GRIN2A: variants seen among roughly 807,000 people sequenced by gnomAD.
GRIN2A encodes the protein glutamate ionotropic receptor NMDA type subunit 2A, also known as glutamate receptor ionotropic, NMDA 2A.
GRIN2A carries 22 observed loss-of-function variants against 113.4 expected under a neutral mutation model. The observed-to-expected ratio is 0.19, with a 90% CI of 0.14 to 0.28. GRIN2A has a LOEUF of 0.28. Ranked by LOEUF, GRIN2A falls within the 10% of genes least tolerant of loss-of-function variation. The pLI is 1.00. For synonymous variants in GRIN2A, 827 were observed against 738.4 expected, an observed-to-expected ratio of 1.12 and a Z score of -1.94; for missense variants, 1,502 against 1,887.0, an observed-to-expected ratio of 0.80 and a Z score of 3.78.
At chr16:9,986,895 T>C (rs2045988874) in intron 2 of GRIN2A, among the ~76,000 whole-genome samples, 1 of 152,148 alleles carries the variant, frequency 6.6e-6, no homozygotes, top group African/African-American at 2.4e-5. Context: ...CCTCCAATTG[T>C]GTAGAGTGCT....
intron 4 of GRIN2A, 104 bp downstream of exon 4, chr16:9,890,882 G>C (rs1219120883): frequency 5.1e-6 from 4 of 778,254 alleles, no homozygotes; most frequent in African/African-American, 1.7e-5. Context: ...ATGGGATCTA[G>C]AGCAGCTCAA....
intron 2 of GRIN2A, among the ~76,000 whole-genome samples, chr16:10,140,155 G>T (rs2049295417): frequency 6.6e-6 from 1 of 152,124 alleles, no homozygotes; most frequent in Non-Finnish European, 1.5e-5. Flanking sequence ...AGTTCCACTG[G>T]TTACCTTATG....
At chr16:9,967,486 A>G (rs1405763607) in intron 2 of GRIN2A, among the ~76,000 whole-genome samples, 1 of 152,238 alleles carries the variant, frequency 6.6e-6, no homozygotes, top group African/African-American at 2.4e-5. Context: ...CGGGTGGATC[A>G]CTTGAGGTCA....
At chr16:10,149,465 G>A (rs982707093) in intron 2 of GRIN2A, among the ~76,000 whole-genome samples, 7 of 152,206 alleles carry the variant, frequency 4.6e-5, no homozygotes, top group Non-Finnish European at 1.0e-4. Flanking sequence ...TACTAATTTT[G>A]CAACTTTTCT....
Position 10,180,533 on chromosome 16 carries a change from G to T in GRIN2A, c.-18-104C>A, listed in dbSNP as rs1384925888. ...CTCTAGGAGCCAGGCATGGAACTCA[G>T]CAGCAGGATAGGCTGCTGGGATCAC... On this transcript the variant is annotated intron_variant, in intron 1 of 12. Transcript: ENST00000330684. This position sits in a 1 kb window ranked among gnomAD's most constrained non-coding sequence, Gnocchi z 7.0. 6.6e-7 allele frequency: 1 copy of T among 1,522,904 alleles called. No homozygotes were observed. The highest frequency in any genetic ancestry group is 8.8e-7 in the Non-Finnish European group (1 of 1,140,978). 94.3% of individuals were successfully genotyped at this position (1,522,904 alleles called of 1,614,324 possible). A position where few individuals can be genotyped will look rare whatever the true frequency, so the allele number is the denominator to read the frequency against.
intron 2 of GRIN2A, among the ~76,000 whole-genome samples, chr16:9,986,705 C>A (rs573422355): frequency 7.2e-6 from 1 of 139,398 alleles, no homozygotes; most frequent in South Asian, 2.2e-4. Flanking sequence ...ACGGAGGTTG[C>A]AATGAGCTGA....
chr16:9,839,565 G>A (rs773438967), intron 7 of GRIN2A, among the ~76,000 whole-genome samples: 6 of 152,068 alleles, frequency 3.9e-5, no homozygotes, highest in South Asian at 2.1e-4. Flanking sequence ...ATAAATCATC[G>A]TGCAGTCATC....
At chr16:10,084,856 C>G (rs945658665) in intron 2 of GRIN2A, among the ~76,000 whole-genome samples, 3 of 152,100 alleles carry the variant, frequency 2.0e-5, no homozygotes, top group Non-Finnish European at 2.9e-5. Context: ...GGACCTAGGT[C>G]AGTGCCTGAT....
intron 2 of GRIN2A, chr16:10,112,015 A>G: frequency 9.3e-6 from 6 of 647,006 alleles, no homozygotes; most frequent in South Asian, 8.2e-5. Flanking sequence ...CCTGTGGTCA[A>G]TGATCGCCAT....
intron 2 of GRIN2A, among the ~76,000 whole-genome samples, chr16:10,044,117 A>T (rs957442494): frequency 6.6e-6 from 1 of 151,196 alleles, no homozygotes; most frequent in Admixed American, 6.6e-5. Context: ...ACGGTGGCGC[A>T]ATCTCGGCTC....
chr16:10,170,740 C>A (rs1195169982), intron 2 of GRIN2A, among the ~76,000 whole-genome samples: 1 of 152,044 alleles, frequency 6.6e-6, no homozygotes, highest in Non-Finnish European at 1.5e-5. Flanking sequence ...AGCCGGATAT[C>A]ATGGCACACG....
chr16:10,015,626 A>G (rs1176941303), intron 2 of GRIN2A, among the ~76,000 whole-genome samples: 2 of 152,254 alleles, frequency 1.3e-5, no homozygotes, highest in Admixed American at 6.5e-5. Context: ...TTGCATGTAT[A>G]TAACATTGCA....
At chr16:10,173,376 G>A (rs952693014) in intron 2 of GRIN2A, among the ~76,000 whole-genome samples, 4 of 152,198 alleles carry the variant, frequency 2.6e-5, no homozygotes, top group South Asian at 4.1e-4. Flanking sequence ...CTGATGAGCT[G>A]TTACTCAGCA....
chr16:10,163,342 A>G (rs1236435566), intron 2 of GRIN2A, among the ~76,000 whole-genome samples: 1 of 152,190 alleles, frequency 6.6e-6, no homozygotes, highest in Non-Finnish European at 1.5e-5. Flanking sequence ...TTCATATTTT[A>G]GGAAAGAGAT....
At position 9,764,030 on chromosome 16, in the gene GRIN2A, A is replaced by G; in HGVS notation, c.3514T>C (p.Leu1172=). ...DSTLPMNRNP[L]HNEEGLSNND... is the part of the protein sequence containing the mutation. ...TTGGAAAGCCCCTCTTCATTATGCA[A>G]GGGGTTCCGGTTCATTGGCAGCGTG... Residue 1172 remains leucine (L), a synonymous_variant, in exon 13 of 13, where the codon TTG becomes CTG. Coordinates refer to ENST00000330684, the MANE Select transcript of GRIN2A (RefSeq NM_001134407.3). 6.2e-7 allele frequency: 1 copy of G among 1,614,090 alleles called. No individual in the cohort carries two copies. The highest frequency in any genetic ancestry group is 8.5e-7 in the Non-Finnish European group (1 of 1,179,988).
At chr16:9,789,159 A>G (rs1010823180) in intron 11 of GRIN2A, among the ~76,000 whole-genome samples, 1 of 152,236 alleles carries the variant, frequency 6.6e-6, no homozygotes, top group Non-Finnish European at 1.5e-5. Flanking sequence ...TTCTGTTGCA[A>G]TGACTAGGCT....
At chr16:10,136,897 G>C (rs2049204370) in intron 2 of GRIN2A, among the ~76,000 whole-genome samples, 1 of 152,222 alleles carries the variant, frequency 6.6e-6, no homozygotes, top group Non-Finnish European at 1.5e-5. Flanking sequence ...TAAGAGGAAA[G>C]AGAAGTGAGA....
At chr16:10,006,426 A>G (rs1253741435) in intron 2 of GRIN2A, among the ~76,000 whole-genome samples, 1 of 152,244 alleles carries the variant, frequency 6.6e-6, no homozygotes, top group East Asian at 1.9e-4. Flanking sequence ...TATCACTCCT[A>G]AAGAGATGAC....
intron 4 of GRIN2A, among the ~76,000 whole-genome samples, chr16:9,866,984 G>A (rs192842092): frequency 3.7e-4 from 56 of 152,254 alleles, no homozygotes; most frequent in Non-Finnish European, 6.0e-4. Flanking sequence ...CCTCTCCAGC[G>A]TCATCCCTGG....
Sources: allele counts gnomAD v4.1 joint callset (sites outside exome capture counted in the v4.1 genomes callset), GRCh38; gene constraint gnomAD v4.1.1; non-coding constraint Gnocchi (gnomAD v3.1); transcripts MANE v1.5; gene names NCBI Gene and HGNC (gene_info 2026-07-23, HGNC 2026-07-21).